CRISP1: variants seen among roughly 807,000 people sequenced by gnomAD.
CRISP1 encodes cysteine rich secretory protein 1.
CRISP1 carries 44 observed loss-of-function variants against 33.1 expected under a neutral mutation model. That is an observed-to-expected ratio of 1.33 (90% CI 1.05 to 1.71). The LOEUF (loss-of-function observed/expected upper bound fraction) is 1.71. Among genes scored for constraint, CRISP1 ranks in the 40% most tolerant of loss-of-function variants. CRISP1 has a pLI of 0.00. For missense variants in CRISP1, 390 were observed against 301.2 expected (o/e 1.29, Z -2.18); for synonymous variants, 103 against 98.7 (o/e 1.04, Z -0.26).
upstream of CRISP1, among the ~76,000 whole-genome samples, chr6:49,868,476 T>C (rs1050480262): frequency 3.3e-5 from 5 of 152,170 alleles, no homozygotes; most frequent in African/African-American, 1.2e-4. Context: ...TGTCTGAATA[T>C]ATCCATTTTT....
chr6:49,855,201 C>A (rs2127475058), intron 2 of CRISP1, among the ~76,000 whole-genome samples: 2 of 152,238 alleles, frequency 1.3e-5, no homozygotes, highest in South Asian at 4.1e-4. Context: ...CTCCCAGAAT[C>A]CACTAATGCT....
intron 3 of CRISP1, among the ~76,000 whole-genome samples, chr6:49,850,250 TAATAA>T (rs1243076996): frequency 6.6e-6 from 1 of 151,800 alleles, no homozygotes; most frequent in Non-Finnish European, 1.5e-5. Context: ...AGTATAATAA[TAATAA>T]AATAAAATAA....
chr6:49,871,496 T>C (rs1207617793), upstream of CRISP1, among the ~76,000 whole-genome samples: 2 of 151,814 alleles, frequency 1.3e-5, no homozygotes, highest in Non-Finnish European at 2.9e-5. Context: ...ACATTAGAAA[T>C]CTGTAAACAG....
chr6:49,851,162 T>C (rs541270905), intron 3 of CRISP1, among the ~76,000 whole-genome samples: 1 of 152,324 alleles, frequency 6.6e-6, no homozygotes, highest in Admixed American at 6.5e-5. Flanking sequence ...GATTAAGAGA[T>C]AAATCTCAAA....
chr6:49,853,009 G>A (rs1310974646), intron 2 of CRISP1, among the ~76,000 whole-genome samples: 1 of 151,956 alleles, frequency 6.6e-6, no homozygotes, highest in Non-Finnish European at 1.5e-5. Flanking sequence ...GAATGAATAC[G>A]ATCTAGCATC....
intron 2 of CRISP1, among the ~76,000 whole-genome samples, chr6:49,853,834 G>A (rs1210327906): frequency 6.6e-6 from 1 of 152,008 alleles, no homozygotes. Context: ...CCCAACTTCG[G>A]ATGAGACTGA....
chr6:49,840,970 A>G lies in CRISP1; in HGVS notation c.461T>C (p.Ile154Thr), dbSNP rs758493085. ...TQIVWATSYL[I>T]GCAIASCRQQ... ...GCGGCAAGATGCAATGGCACAGCCAATCAGGTAAGATGTGGCCCAAACAAT... is the reference window on the plus strand; with the variant it reads ...GCGGCAAGATGCAATGGCACAGCCAGTCAGGTAAGATGTGGCCCAAACAAT... Residue 154 changes from isoleucine to threonine, a missense_variant, in exon 6 of 8, where the codon ATT (isoleucine) becomes ACT (threonine). Ile to Thr is a moderately conservative substitution (Grantham distance 89, BLOSUM62 -1). Coordinates refer to ENST00000335847, the MANE Select transcript of CRISP1 (RefSeq NM_001131.3). 38 of 1,613,864 alleles carry G rather than the reference A, an allele frequency of 2.4e-5. No homozygotes were observed. The highest frequency in any genetic ancestry group is 3.3e-5 in the South Asian group (3 of 91,072).
chr6:49,845,910 T>G (rs1415189438), intron 5 of CRISP1, among the ~76,000 whole-genome samples: 1 of 152,136 alleles, frequency 6.6e-6, no homozygotes, highest in Non-Finnish European at 1.5e-5. Flanking sequence ...TGTTTCCAAA[T>G]TTATGAGGTA....
chr6:49,864,000 C>T (rs1352659035), intron 1 of CRISP1, among the ~76,000 whole-genome samples: 5 of 152,088 alleles, frequency 3.3e-5, no homozygotes, highest in Admixed American at 1.3e-4. Flanking sequence ...GTAACCACTA[C>T]CAAAAGCAAT....
At chr6:49,860,419 T>A (rs528082440) in intron 1 of CRISP1, among the ~76,000 whole-genome samples, 37 of 152,202 alleles carry the variant, frequency 2.4e-4, no homozygotes, top group African/African-American at 8.9e-4. Context: ...ATGTCAAGTA[T>A]CTTCTCTAAC....
chr6:49,864,502 T>C (rs1457149993), intron 1 of CRISP1, among the ~76,000 whole-genome samples: 1 of 151,894 alleles, frequency 6.6e-6, no homozygotes, highest in Non-Finnish European at 1.5e-5. Context: ...GTAGGTATTG[T>C]CAAATATTTT....
In CRISP1 at chr6:49,835,480, T is replaced by C. The variant is rs769733797; in HGVS notation, c.623-37A>G. On this transcript the variant is annotated intron_variant, in intron 7 of 7. Coordinates refer to ENST00000335847, the MANE Select transcript of CRISP1 (RefSeq NM_001131.3). The stretch of plus-strand genomic sequence containing the variant: ...TAGTATGGTTTTACAACACAGTCTT[T>C]TAAAAATCGCATTTGCTGAGGAAAG... The C allele has an allele frequency of 1.9e-6, 3 of 1,597,990 alleles. No individual in the cohort carries two copies. The South Asian group carries it at 3.4e-5, about 18-fold the overall frequency.
chr6:49,850,362 T>C (rs531336343), intron 3 of CRISP1, among the ~76,000 whole-genome samples: 1 of 152,262 alleles, frequency 6.6e-6, no homozygotes, highest in South Asian at 2.1e-4. Flanking sequence ...CTCTGATTAA[T>C]GTTGGTGAGA....
chr6:49,836,686 G>T (rs914251447), intron 7 of CRISP1, among the ~76,000 whole-genome samples: 1 of 151,968 alleles, frequency 6.6e-6, no homozygotes, highest in Admixed American at 6.6e-5. Context: ...TTATTTTAGT[G>T]AATATCCTTC....
intron 3 of CRISP1, 37 bp from the exon 4 acceptor site, chr6:49,848,336 T>A (rs62404906): frequency 0.12 from 147,862 of 1,207,356 alleles, 10,944 homozygotes; most frequent in Non-Finnish European, 0.15. Flanking sequence ...ATGTTCCAAT[T>A]AATATTTTCA....
chr6:49,853,668 T>A (rs547282060), intron 2 of CRISP1, among the ~76,000 whole-genome samples: 2 of 152,320 alleles, frequency 1.3e-5, no homozygotes, highest in East Asian at 3.9e-4. Context: ...TTCTTTAATA[T>A]AATCGAGCCT....
chr6:49,855,822 CCTGGAGT>C (rs1771479276), intron 2 of CRISP1, among the ~76,000 whole-genome samples: 1 of 152,060 alleles, frequency 6.6e-6, no homozygotes, highest in Non-Finnish European at 1.5e-5. Context: ...TTGCTTTCTA[CCTGGAGT>C]CTGAAAAAAG....
chr6:49,871,075 C>A (rs1458034510), upstream of CRISP1, among the ~76,000 whole-genome samples: 1 of 151,064 alleles, frequency 6.6e-6, no homozygotes, highest in Non-Finnish European at 1.5e-5. Flanking sequence ...TGCACTCTAG[C>A]CTGGGGGATA....
At chr6:49,873,900 G>C (rs970539894) in intron 1 of CRISP1, among the ~76,000 whole-genome samples, 1 of 152,054 alleles carries the variant, frequency 6.6e-6, no homozygotes, top group Non-Finnish European at 1.5e-5. Context: ...ATTTTAAGGA[G>C]TGTTAAACTG....
Sources: allele counts gnomAD v4.1 joint callset (sites outside exome capture counted in the v4.1 genomes callset), GRCh38; gene constraint gnomAD v4.1.1; transcripts MANE v1.5; gene names NCBI Gene and HGNC (gene_info 2026-07-23, HGNC 2026-07-21).